Variants in XRN1 observed in about 807,000 individuals in gnomAD.
XRN1 encodes the protein strand-exchange protein 1 homolog.
Under a neutral mutation model 222.3 loss-of-function variants are expected in XRN1, and 67 were observed. That is an observed-to-expected ratio of 0.30 (90% CI 0.25 to 0.37). The LOEUF is 0.37. XRN1 is among the 10% of genes least tolerant of loss of function. The pLI is 1.00. For missense variants in XRN1, 1,707 were observed against 2,000.2 expected, an observed-to-expected ratio of 0.85 and a Z score of 2.80; for synonymous variants, 643 against 652.4, an observed-to-expected ratio of 0.99 and a Z score of 0.22.
chr3:142,359,797 T>C, intron 30 of XRN1, 65 bp downstream of exon 30: 1 of 1,231,388 alleles, frequency 8.1e-7, no homozygotes, highest in Non-Finnish European at 1.2e-6. Context: ...AAATAAAAAG[T>C]AATGTAAAGT....
intron 37 of XRN1, among the ~76,000 whole-genome samples, chr3:142,319,975 A>G (rs917139799): frequency 2.0e-5 from 3 of 152,226 alleles, no homozygotes; most frequent in Admixed American, 2.0e-4. Flanking sequence ...CCAATCATCC[A>G]CTGATGGACA....
chr3:142,355,756 G>A (rs1055363684), intron 31 of XRN1, among the ~76,000 whole-genome samples: 1 of 151,858 alleles, frequency 6.6e-6, no homozygotes, highest in South Asian at 2.1e-4. Flanking sequence ...GACTACAAGC[G>A]TGTACCATCA....
At chr3:142,376,104 C>T (rs2067136615) in intron 24 of XRN1, 160 bp from the exon 25 acceptor site, 1 of 1,266,944 alleles carries the variant, frequency 7.9e-7, no homozygotes, top group East Asian at 2.8e-5. Flanking sequence ...TGGTTATTTC[C>T]AAAGTAGCAG....
intron 25 of XRN1, among the ~76,000 whole-genome samples, chr3:142,372,668 G>A (rs1391261444): frequency 6.6e-6 from 1 of 152,210 alleles, no homozygotes; most frequent in African/African-American, 2.4e-5. Context: ...ACAGCTGAGG[G>A]CTGCCGGAAA....
In XRN1 at chr3:142,418,618, A is replaced by T; in HGVS notation, c.1241-9T>A. On this transcript the variant is annotated splice_polypyrimidine_tract_variant and intron_variant, in intron 11 of 40. Transcript: ENST00000392981. The stretch of plus-strand genomic sequence containing the variant: ...CTCATCTTCTAAATTATCTGGGGAA[A>T]AAAGTCAGAAAGATAGTGACTGACA... The T allele has an allele frequency of 6.3e-7, 1 of 1,578,100 alleles. No homozygotes were observed. Among genetic ancestry groups the T allele is most frequent in the South Asian group, 1.2e-5 (1 of 85,410 alleles).
intron 3 of XRN1, 175 bp downstream of exon 3, chr3:142,426,566 TAGG>T (rs2069257971): frequency 3.5e-6 from 2 of 568,878 alleles, no homozygotes; most frequent in African/African-American, 1.9e-5. Context: ...ACAGTTTTTG[TAGG>T]AGTATTTATG....
At chr3:142,338,772 C>T (rs536422840) in intron 33 of XRN1, among the ~76,000 whole-genome samples, 1 of 152,244 alleles carries the variant, frequency 6.6e-6, no homozygotes, top group Non-Finnish European at 1.5e-5. Flanking sequence ...CACAAGCTGA[C>T]TGAAGAACCC....
chr3:142,385,005 G>A (rs1171094751), intron 20 of XRN1, among the ~76,000 whole-genome samples: 1 of 152,152 alleles, frequency 6.6e-6, no homozygotes, highest in African/African-American at 2.4e-5. Flanking sequence ...TGGAAAAACT[G>A]GAACATCTGT....
intron 22 of XRN1, among the ~76,000 whole-genome samples, chr3:142,381,888 T>C (rs1055419420): frequency 1.3e-5 from 2 of 152,098 alleles, no homozygotes; most frequent in African/African-American, 4.8e-5. Context: ...TTGAAGAATA[T>C]ATAATTTGTC....
At chr3:142,421,268 C>T (rs2069021700) in intron 9 of XRN1, 115 bp from the exon 10 acceptor site, 1 of 1,079,142 alleles carries the variant, frequency 9.3e-7, no homozygotes, top group African/African-American at 1.6e-5. Flanking sequence ...GAATGTTACT[C>T]TTTTATATAT....
rs538341449 is a variant in XRN1 at position 142,420,792 on chromosome 3, G to A, written c.1173+224C>T. Among the ~76,000 whole-genome samples, 4 of 152,014 alleles carry A rather than the reference G, an allele frequency of 2.6e-5. No individual in the cohort carries two copies. In the South Asian group the frequency reaches 8.3e-4, roughly 32 times the overall value. Reference sequence around the variant, plus strand: ...CACATTTATTAACATAAAACACAATGTACCTCTTCAACAGTAAAAATAAGG... The same window carrying A: ...CACATTTATTAACATAAAACACAATATACCTCTTCAACAGTAAAAATAAGG... On this transcript the variant is annotated intron_variant, in intron 10 of 40. Transcript: ENST00000392981.
chr3:142,319,020 G>T, intron 37 of XRN1, 117 bp from the exon 38 acceptor site: 1 of 903,914 alleles, frequency 1.1e-6, no homozygotes, highest in Non-Finnish European at 1.6e-6. Context: ...AGGGCTTTCA[G>T]TTCAAGTTTT....
At position 142,447,975 on chromosome 3, in the gene XRN1, C is replaced by A. The variant is rs371563012; in HGVS notation, c.-31G>T. On this transcript the variant is annotated 5_prime_UTR_variant, in exon 1 of 41. Transcript: ENST00000392981. This position sits in a 1 kb window ranked among gnomAD's most constrained non-coding sequence, Gnocchi z 4.2. ...TCGTCAACACTAATCCCAGTCAGGG[C>A]CAAACCGAAACCAAACGCCCCGCCG... 3.2e-5 allele frequency: 51 copies of A among 1,610,542 alleles called. No individual in the cohort carries two copies. Among genetic ancestry groups the A allele is most frequent in the Non-Finnish European group, 3.9e-5 (46 of 1,178,498 alleles).
chr3:142,364,756 G>C (rs918321382), intron 29 of XRN1, among the ~76,000 whole-genome samples: 1 of 152,034 alleles, frequency 6.6e-6, no homozygotes, highest in Non-Finnish European at 1.5e-5. Context: ...GAAAACATAT[G>C]TATGCTCACC....
intron 3 of XRN1, 186 bp downstream of exon 3, chr3:142,426,558 A>T (rs776859755): frequency 7.2e-6 from 4 of 556,564 alleles, no homozygotes; most frequent in Non-Finnish European, 1.3e-5. Flanking sequence ...AAATCCCTAC[A>T]GTTTTTGTAG....
intron 2 of XRN1, 130 bp from the exon 3 acceptor site, chr3:142,426,971 G>A (rs1420135593): frequency 3.1e-6 from 2 of 641,792 alleles, no homozygotes; most frequent in African/African-American, 3.7e-5. Flanking sequence ...AAACATACAA[G>A]TTTTGAAATG....
At chr3:142,369,842 T>C (rs2066933738) in intron 27 of XRN1, among the ~76,000 whole-genome samples, 1 of 151,688 alleles carries the variant, frequency 6.6e-6, no homozygotes, top group Non-Finnish European at 1.5e-5. Flanking sequence ...GGTCAGGAGT[T>C]CAAGACCAGC....
intron 18 of XRN1, among the ~76,000 whole-genome samples, chr3:142,401,857 A>G (rs1485655533): frequency 6.6e-6 from 1 of 152,234 alleles, no homozygotes; most frequent in East Asian, 1.9e-4. Flanking sequence ...AAAGATCAAC[A>G]TTGATGTTCT....
In XRN1 at chr3:142,446,191, G is replaced by A. The variant is rs75509148; in HGVS notation, c.75+1679C>T. Among the ~76,000 whole-genome samples, 334 of 152,278 alleles carry A rather than the reference G, an allele frequency of 2.2e-3. 2 individuals are homozygous for A. In the East Asian group the frequency reaches 0.052, roughly 24 times the overall value. ...ACTGAGGCCACACCACTGACTTCCC[G>A]TAACTTACTTCTTCTCCCTATCCTT... On this transcript the variant is annotated intron_variant, in intron 1 of 40. Coordinates refer to ENST00000392981, the MANE Select transcript of XRN1 (RefSeq NM_001282857.2).
Sources: allele counts gnomAD v4.1 joint callset (sites outside exome capture counted in the v4.1 genomes callset), GRCh38; gene constraint gnomAD v4.1.1; non-coding constraint Gnocchi (gnomAD v3.1); transcripts MANE v1.5; gene names NCBI Gene and HGNC (gene_info 2026-07-23, HGNC 2026-07-21).